Variants in HTR4 observed in about 807,000 individuals in gnomAD.
HTR4 encodes 5-hydroxytryptamine (serotonin) receptor 4, G protein-coupled.
Under a neutral mutation model 36.8 loss-of-function variants are expected in HTR4, and 16 were observed. That is an observed-to-expected ratio of 0.43 (90% CI 0.29 to 0.66). HTR4 has a LOEUF of 0.66. Among genes scored for constraint, HTR4 ranks in the 30% least tolerant of loss-of-function variants. The pLI is 0.13. For missense variants in HTR4, 438 were observed against 490.9 expected (o/e 0.89, Z 1.02); for synonymous variants, 189 against 185.1 (o/e 1.02, Z -0.17).
Position 148,482,490 on chromosome 5 carries a change from C to T in HTR4, c.*713G>A. 7 of 985,626 alleles carry T rather than the reference C, an allele frequency of 7.1e-6. No homozygotes were observed. Among genetic ancestry groups the T allele is most frequent in the Non-Finnish European group, 8.4e-6 (7 of 830,118 alleles). 61.1% of individuals were successfully genotyped at this position (985,626 alleles called of 1,614,324 possible). On this transcript the variant is annotated 3_prime_UTR_variant, in exon 7 of 7. Transcript: ENST00000377888. Reference sequence around the variant, plus strand: ...CCAGAGTTGCTGTGGAGACCATTTTCCTCTGACAGATCTCTGACCCTGTGT... The same window carrying T: ...CCAGAGTTGCTGTGGAGACCATTTTTCTCTGACAGATCTCTGACCCTGTGT...
At chr5:148,464,029 A>T (rs1247277717) in intron 5 of HTR4, among the ~76,000 whole-genome samples, 1 of 127,940 alleles carries the variant, frequency 7.8e-6, no homozygotes, top group Non-Finnish European at 1.6e-5. Flanking sequence ...CTGGACATTG[A>T]CATGCAAAAA....
intron 6 of HTR4, among the ~76,000 whole-genome samples, chr5:148,498,915 T>C (rs1439213213): frequency 6.6e-6 from 1 of 152,206 alleles, no homozygotes; most frequent in African/African-American, 2.4e-5. Context: ...GAAGAAGGAA[T>C]GTTTTCCATG....
chr5:148,530,521 A>T (rs1758510485), intron 4 of HTR4, among the ~76,000 whole-genome samples: 1 of 152,230 alleles, frequency 6.6e-6, no homozygotes, highest in Non-Finnish European at 1.5e-5. Flanking sequence ...CTCCACCTAG[A>T]TTACAGAGGA....
intron 2 of HTR4, among the ~76,000 whole-genome samples, chr5:148,617,532 G>A (rs538000398): frequency 3.3e-5 from 5 of 151,450 alleles, no homozygotes; most frequent in East Asian, 3.9e-4. Context: ...GCAGTGGCGC[G>A]ATCCTGGCTC....
At chr5:148,617,360 T>A (rs74792352) in intron 2 of HTR4, among the ~76,000 whole-genome samples, 1 of 152,342 alleles carries the variant, frequency 6.6e-6, no homozygotes, top group Admixed American at 6.5e-5. Flanking sequence ...ATGAGCCAAC[T>A]AAACCTCTTT....
intron 6 of HTR4, among the ~76,000 whole-genome samples, chr5:148,505,883 C>T (rs576137620): frequency 6.6e-6 from 1 of 152,254 alleles, no homozygotes; most frequent in Non-Finnish European, 1.5e-5. Context: ...AGGACACAAA[C>T]AAATGGAAGG....
At chr5:148,510,813 A>G (rs1581403237) in intron 5 of HTR4, among the ~76,000 whole-genome samples, 1 of 152,368 alleles carries the variant, frequency 6.6e-6, no homozygotes, top group East Asian at 1.9e-4. Context: ...ACACAGAGTA[A>G]CAGCCTGTGT....
intron 2 of HTR4, among the ~76,000 whole-genome samples, chr5:148,555,397 T>C (rs1759900658): frequency 6.6e-6 from 1 of 152,242 alleles, no homozygotes. Context: ...GGTTCATTTG[T>C]GGCATGCCAA....
chr5:148,493,738 G>C (rs1434979483), intron 6 of HTR4, among the ~76,000 whole-genome samples: 2 of 151,994 alleles, frequency 1.3e-5, no homozygotes, highest in East Asian at 3.9e-4. Context: ...CCTGCCATTC[G>C]AACAAGTTGC....
intron 2 of HTR4, among the ~76,000 whole-genome samples, chr5:148,607,717 A>G (rs1305565890): frequency 6.6e-6 from 1 of 152,180 alleles, no homozygotes; most frequent in Non-Finnish European, 1.5e-5. Context: ...AATCATAAGA[A>G]TAAAGAGATA....
chr5:148,649,281 A>C (rs1365429698), intron 1 of HTR4, among the ~76,000 whole-genome samples: 1 of 152,132 alleles, frequency 6.6e-6, no homozygotes, highest in Non-Finnish European at 1.5e-5. Context: ...ATGAAAAAAA[A>C]AAAAGAAGCT....
At chr5:148,547,768 A>C (rs1204333878) in intron 4 of HTR4, among the ~76,000 whole-genome samples, 2 of 151,884 alleles carry the variant, frequency 1.3e-5, no homozygotes, top group Admixed American at 1.3e-4. Flanking sequence ...ATTTTAAAAA[A>C]GTGATCTATC....
At chr5:148,473,489 G>A (rs1481514069), downstream of HTR4, among the ~76,000 whole-genome samples, 1 of 152,156 alleles carries the variant, frequency 6.6e-6, no homozygotes, top group Non-Finnish European at 1.5e-5. Context: ...AATAATAACA[G>A]TAATATCTTG....
rs115731316 is a variant in HTR4, at chr5:148,571,080, A to G, written c.27-20818T>C. Among the ~76,000 whole-genome samples, 1,018 of 152,132 alleles carry G rather than the reference A, an allele frequency of 6.7e-3. 3 individuals carry two copies. Among genetic ancestry groups the G allele is most frequent in the Non-Finnish European group, 0.012 (824 of 67,966 alleles). ...ATGAGGGACAATCCCTCATAAGAAA[A>G]TTATCATTCTACAGGCCACATTCTC... On this transcript the variant is annotated intron_variant, in intron 2 of 6. Transcript: ENST00000377888.
At position 148,457,942 on chromosome 5, in the gene HTR4, A is replaced by AT. The variant is rs1491302618; in HGVS notation, c.1077-6671_1077-6670insA. ...TATCATTAAAATATATTATATTTTA[A>AT]GATATATTAAATATATATTAAAATA... On this transcript the variant is annotated intron_variant, in intron 5 of 5. Coordinates refer to the HTR4 transcript ENST00000521530. Among the ~76,000 whole-genome samples the AT allele has an allele frequency of 3.0e-4, 41 of 136,458 alleles. No homozygotes were observed. In the South Asian group the frequency reaches 7.0e-3, roughly 23 times the overall value. The allele number at this position is 136,458 out of a possible 152,430, so 89.5% of individuals were successfully genotyped here. A position where few individuals can be genotyped will look rare whatever the true frequency, so the allele number is the denominator to read the frequency against.
At chr5:148,622,988 G>C (rs944771567) in intron 2 of HTR4, among the ~76,000 whole-genome samples, 7 of 152,138 alleles carry the variant, frequency 4.6e-5, no homozygotes, top group African/African-American at 7.2e-5. Flanking sequence ...GGAGGGACTA[G>C]GGGGATAAAG....
intron 2 of HTR4, among the ~76,000 whole-genome samples, chr5:148,563,574 T>G (rs1220355376): frequency 6.6e-6 from 1 of 152,218 alleles, no homozygotes; most frequent in Non-Finnish European, 1.5e-5. Flanking sequence ...AGTAGTGCTG[T>G]GAAAGTACAG....
chr5:148,463,135 C>T (rs1755321834), intron 5 of HTR4, among the ~76,000 whole-genome samples: 1 of 115,172 alleles, frequency 8.7e-6, no homozygotes, highest in South Asian at 2.9e-4. Flanking sequence ...ACTGCTTTTG[C>T]TTTGCTTTGC....
At chr5:148,531,705 A>T (rs1334212715) in intron 4 of HTR4, among the ~76,000 whole-genome samples, 1 of 152,170 alleles carries the variant, frequency 6.6e-6, no homozygotes, top group African/African-American at 2.4e-5. Flanking sequence ...TTCCTCTAAA[A>T]ATCAATTTTC....
Sources: allele counts gnomAD v4.1 joint callset (sites outside exome capture counted in the v4.1 genomes callset), GRCh38; gene constraint gnomAD v4.1.1; transcripts MANE v1.5; gene names NCBI Gene and HGNC (gene_info 2026-07-23, HGNC 2026-07-21).